Variants in LIFR observed in about 807,000 individuals in gnomAD.
LIFR encodes leukemia inhibitory factor receptor.
A neutral mutation model predicts 122.2 loss-of-function variants in LIFR; 84 were observed. The ratio of observed to expected loss-of-function variants is 0.69; its 90% CI spans 0.58 to 0.82. LIFR has a LOEUF of 0.82. LIFR is among the 40% of genes least tolerant of loss of function. The pLI, the probability that LIFR is intolerant of heterozygous loss-of-function variation, is 0.00. For missense variants in LIFR, 1,294 were observed against 1,311.6 expected, an observed-to-expected ratio of 0.99 and a Z score of 0.21; for synonymous variants, 422 against 434.7, an observed-to-expected ratio of 0.97 and a Z score of 0.36.
At chr5:38,500,815 C>T (rs1745135726) in intron 11 of LIFR, among the ~76,000 whole-genome samples, 1 of 152,182 alleles carries the variant, frequency 6.6e-6, no homozygotes, top group South Asian at 2.1e-4. Context: ...CACATTGCAT[C>T]AGGGTTGGCC....
intron 1 of LIFR, among the ~76,000 whole-genome samples, chr5:38,536,385 ACATAG>A (rs1395081903): frequency 4.6e-5 from 7 of 152,230 alleles, no homozygotes; most frequent in Admixed American, 1.3e-4. Context: ...ACAACTGCTT[ACATAG>A]CATTAACACT....
chr5:38,523,724 GAACC>G, intron 4 of LIFR, 142 bp from the exon 5 acceptor site: 1 of 699,558 alleles, frequency 1.4e-6, no homozygotes, highest in Non-Finnish European at 2.4e-6. Context: ...GGAAACTCTA[GAACC>G]CAGTAATAAG....
chr5:38,586,610 A>G (rs1380892582), intron 1 of LIFR, among the ~76,000 whole-genome samples: 1 of 152,128 alleles, frequency 6.6e-6, no homozygotes, highest in African/African-American at 2.4e-5. Context: ...AGATTCCTAT[A>G]GGCACCACTC....
At chr5:38,573,120 G>A (rs73749290) in intron 1 of LIFR, among the ~76,000 whole-genome samples, 6,783 of 152,298 alleles carry the variant, frequency 0.045, 503 homozygotes, top group African/African-American at 0.15. Context: ...AGAGCTTAAT[G>A]TGTAATGCAC....
At chr5:38,524,565 C>A (rs1397993107) in intron 4 of LIFR, among the ~76,000 whole-genome samples, 2 of 152,082 alleles carry the variant, frequency 1.3e-5, no homozygotes, top group African/African-American at 4.8e-5. Context: ...GGGAAACAAC[C>A]AATATTCTCT....
intron 2 of LIFR, 31 bp from the exon 3 acceptor site, chr5:38,528,871 CACACACAG>C (rs757079421): frequency 4.2e-4 from 209 of 500,524 alleles, no homozygotes; most frequent in Admixed American, 1.7e-3. Context: ...CACACACACA[CACACACAG>C]ACACACATAA....
Position 38,590,994 on chromosome 5 carries a change from T to C in LIFR, c.-20+4267A>G, listed in dbSNP as rs143944678. Among the ~76,000 whole-genome samples, 600 of 152,332 alleles carry C rather than the reference T, an allele frequency of 3.9e-3. 4 individuals carry two copies. The highest frequency in any genetic ancestry group is 0.014 in the African/African-American group (580 of 41,582). The stretch of plus-strand genomic sequence containing the variant: ...GAATGTACAGTCAGCTGAGGGACAG[T>C]AGTCAAATGATGATATAAATAAATG... On this transcript the variant is annotated intron_variant, in intron 1 of 19. Transcript: ENST00000263409.
chr5:38,524,735 T>C (rs1260076678), intron 4 of LIFR, among the ~76,000 whole-genome samples: 1 of 151,974 alleles, frequency 6.6e-6, no homozygotes, highest in African/African-American at 2.4e-5. Context: ...TTGAGTGTAG[T>C]GGTAGAAAAG....
At position 38,555,296 on chromosome 5, in the gene LIFR, T is replaced by C. The variant is rs148663392; in HGVS notation, c.-20+1038A>G. Among the ~76,000 whole-genome samples the C allele has an allele frequency of 7.1e-3, 1,088 of 152,246 alleles. 18 individuals carry two copies. The highest frequency in any genetic ancestry group is 0.034 in the Admixed American group (514 of 15,306). On this transcript the variant is annotated intron_variant, in intron 1 of 19. Transcript: ENST00000453190. Reference sequence around the variant, plus strand: ...ATGTAATTTCAGATCTGTGACAAAATAATCATGTAAGGGGAAGGGCAAGTA... The same window carrying C: ...ATGTAATTTCAGATCTGTGACAAAACAATCATGTAAGGGGAAGGGCAAGTA...
intron 1 of LIFR, among the ~76,000 whole-genome samples, chr5:38,577,609 C>T (rs1430534580): frequency 6.6e-6 from 1 of 152,214 alleles, no homozygotes; most frequent in Non-Finnish European, 1.5e-5. Flanking sequence ...ATGTCCTGCC[C>T]TGTCAACCAA....
intron 1 of LIFR, among the ~76,000 whole-genome samples, chr5:38,574,528 A>G (rs1017324833): frequency 6.6e-6 from 1 of 151,230 alleles, no homozygotes; most frequent in Non-Finnish European, 1.5e-5. Context: ...TAGGTAGTCA[A>G]TCAATCATTG....
At chr5:38,506,108 C>T (rs1324426024) in intron 8 of LIFR, 34 bp from the exon 9 acceptor site, 1 of 1,442,348 alleles carries the variant, frequency 6.9e-7, no homozygotes, top group East Asian at 2.3e-5. Flanking sequence ...TTCAAAATGG[C>T]AAGAGATAAA....
At chr5:38,578,212 T>C (rs1220578248) in intron 1 of LIFR, among the ~76,000 whole-genome samples, 1 of 144,902 alleles carries the variant, frequency 6.9e-6, no homozygotes, top group Admixed American at 6.8e-5. Flanking sequence ...TTTTTCTTTT[T>C]TTTTTTTTTT....
At chr5:38,488,211 G>C (rs753729810) in intron 16 of LIFR, among the ~76,000 whole-genome samples, 17 of 152,108 alleles carry the variant, frequency 1.1e-4, no homozygotes, top group South Asian at 1.0e-3. Context: ...TCATTCACCA[G>C]CAATCATGAA....
chr5:38,510,581 G>T lies in LIFR; in HGVS notation c.874C>A (p.Leu292Ile), dbSNP rs1580074125. Residue 292 changes from leucine (L) to isoleucine (I), a missense_variant, in exon 7 of 20, where the codon CTT becomes ATT. Physicochemically the swap from Leu to Ile is conservative, Grantham distance 5. Transcript: ENST00000453190. ...IGHTNCPLIH[L>I]DGENVAIKIR... ...TTGATTGCAACATTTTCCCCATCAA[G>T]ATGGATCAAGGGGCAGTTTGTATGG... The T allele has an allele frequency of 3.1e-6, 5 of 1,614,030 alleles. No homozygotes were observed. In the East Asian group the frequency reaches 1.1e-4, roughly 36 times the overall value.
Position 38,510,699 on chromosome 5 carries a change from A to T in LIFR, c.756T>A (p.Thr252=). The T allele has an allele frequency of 6.2e-7, 1 of 1,612,388 alleles. No individual in the cohort carries two copies. Among genetic ancestry groups the T allele is most frequent in the Non-Finnish European group, 8.5e-7 (1 of 1,178,596 alleles). The change falls in exon 7 of 20, where the codon ACT becomes ACA. Residue 252 remains threonine (T), a synonymous_variant. Coordinates refer to ENST00000453190, the MANE Select transcript of LIFR (RefSeq NM_001127671.2). ...KNISWIPDSQ[T]KVFPQDKVIL... ...TCACTTTATCTTGAGGAAAAACCTT[A>T]GTCTGAGAATCAGGTATCCCTAGAA...
At chr5:38,543,202 A>T (rs1265187674) in intron 1 of LIFR, among the ~76,000 whole-genome samples, 1 of 151,996 alleles carries the variant, frequency 6.6e-6, no homozygotes, top group Non-Finnish European at 1.5e-5. Flanking sequence ...ACCCTGGACA[A>T]TGTGGAGAAA....
chr5:38,595,878 C>T (rs1750084085), upstream of LIFR, among the ~76,000 whole-genome samples: 1 of 151,304 alleles, frequency 6.6e-6, no homozygotes, highest in African/African-American at 2.4e-5. Flanking sequence ...GACTACAAGG[C>T]GCCCGCCACC....
chr5:38,534,244 A>G (rs1747172677), intron 1 of LIFR, among the ~76,000 whole-genome samples: 1 of 152,226 alleles, frequency 6.6e-6, no homozygotes. Flanking sequence ...AAATTCCTCC[A>G]GCATTAGCTC....
Sources: allele counts gnomAD v4.1 joint callset (sites outside exome capture counted in the v4.1 genomes callset), GRCh38; gene constraint gnomAD v4.1.1; transcripts MANE v1.5; gene names NCBI Gene and HGNC (gene_info 2026-07-23, HGNC 2026-07-21).